The following NDUFV2 variants were observed in gnomAD, a reference collection of about 807,000 sequenced individuals.
The protein encoded by NDUFV2 is NADH:ubiquinone oxidoreductase core subunit V2, also known as NADH dehydrogenase [ubiquinone] flavoprotein 2, mitochondrial.
NDUFV2 carries 18 observed loss-of-function variants against 31.6 expected under a neutral mutation model. The ratio of observed to expected loss-of-function variants is 0.57; its 90% confidence interval spans 0.39 to 0.84. The LOEUF is 0.84. Among genes scored for constraint, NDUFV2 ranks in the 40% least tolerant of loss-of-function variants. The pLI is 0.00. For missense variants in NDUFV2, 314 were observed against 303.6 expected, an observed-to-expected ratio of 1.03 and a Z score of -0.26; for synonymous variants, 83 against 99.8, an observed-to-expected ratio of 0.83 and a Z score of 1.01.
chr18:9,130,948 T>TG (rs1476881631), intron 7 of NDUFV2, among the ~76,000 whole-genome samples: 2 of 152,226 alleles, frequency 1.3e-5, no homozygotes, highest in East Asian at 3.8e-4. Flanking sequence ...AGTTGACTCT[T>TG]GAACACCATG....
intron 7 of NDUFV2, among the ~76,000 whole-genome samples, chr18:9,131,136 AAAG>A (rs1287356353): frequency 7.9e-5 from 12 of 152,226 alleles, no homozygotes; most frequent in African/African-American, 2.7e-4. Context: ...AATCTAGAGA[AAAG>A]AAAATGTTAT....
chr18:9,106,978 C>G (rs966991632), intron 1 of NDUFV2, among the ~76,000 whole-genome samples: 17 of 151,898 alleles, frequency 1.1e-4, no homozygotes, highest in Non-Finnish European at 2.5e-4. Flanking sequence ...GACATTGGGC[C>G]CACCTAGATA....
intron 5 of NDUFV2, among the ~76,000 whole-genome samples, chr18:9,123,676 G>C (rs1373280928): frequency 6.6e-6 from 1 of 152,110 alleles, no homozygotes; most frequent in Non-Finnish European, 1.5e-5. Context: ...TTTTTGTAGA[G>C]AGGGGTCTTG....
chr18:9,119,399 A>G lies in NDUFV2; in HGVS notation c.183+11A>G, dbSNP rs2077917976. On this transcript the variant is annotated intron_variant, in intron 3 of 7. Transcript: ENST00000318388. ...CCAGAAAACTATAAGGTATGGCTAA[A>G]TTAACATTATAATTAATTTACCAAA... The G allele has an allele frequency of 6.2e-7, 1 of 1,607,158 alleles. No individual in the cohort carries two copies. Among genetic ancestry groups the G allele is most frequent in the Non-Finnish European group, 8.5e-7 (1 of 1,173,796 alleles).
intron 1 of NDUFV2, among the ~76,000 whole-genome samples, chr18:9,108,672 CT>C (rs1243607835): frequency 6.8e-6 from 1 of 147,124 alleles, no homozygotes; most frequent in Non-Finnish European, 1.5e-5. Context: ...CACTGAAAAA[CT>C]TTTGTTTTTC....
intron 7 of NDUFV2, among the ~76,000 whole-genome samples, chr18:9,128,136 A>G (rs192697875): frequency 8.5e-4 from 130 of 152,288 alleles, no homozygotes; most frequent in Non-Finnish European, 1.5e-3. Flanking sequence ...TTATGTATAT[A>G]AATTTTTTCT....
intron 7 of NDUFV2, among the ~76,000 whole-genome samples, chr18:9,132,890 A>C (rs1024579702): frequency 6.6e-6 from 1 of 152,152 alleles, no homozygotes; most frequent in African/African-American, 2.4e-5. Flanking sequence ...TAATAAATAA[A>C]TTTAAAAATT....
chr18:9,121,269 G>A (rs957031244), intron 4 of NDUFV2: 1 of 151,892 alleles, frequency 6.6e-6, no homozygotes, highest in Non-Finnish European at 1.5e-5. Context: ...AAAATATCCA[G>A]AAGCTTAATA....
At chr18:9,131,225 A>T (rs2078037735) in intron 7 of NDUFV2, among the ~76,000 whole-genome samples, 1 of 152,226 alleles carries the variant, frequency 6.6e-6, no homozygotes, top group Non-Finnish European at 1.5e-5. Context: ...CATGTTGTAT[A>T]GGCTGAGGAA....
intron 4 of NDUFV2, 127 bp downstream of exon 4, chr18:9,119,717 G>A (rs1258076285): frequency 1.2e-5 from 9 of 780,232 alleles, no homozygotes; most frequent in Non-Finnish European, 1.8e-5. Context: ...TTAGCCATTT[G>A]TATGTTTCCT....
At chr18:9,127,694 G>C (rs145975286) in intron 7 of NDUFV2, among the ~76,000 whole-genome samples, 3 of 152,130 alleles carry the variant, frequency 2.0e-5, no homozygotes, top group Admixed American at 2.0e-4. Context: ...GATGGTCTCC[G>C]ATCTCCTGAC....
chr18:9,130,968 G>A (rs979867113), intron 7 of NDUFV2, among the ~76,000 whole-genome samples: 6 of 152,184 alleles, frequency 3.9e-5, no homozygotes, highest in Non-Finnish European at 1.5e-5. Flanking sequence ...GGGCGTTAGG[G>A]ACATTGATTG....
intron 7 of NDUFV2, chr18:9,132,160 T>C (rs2078045736): frequency 6.6e-6 from 1 of 152,204 alleles, no homozygotes; most frequent in Admixed American, 6.5e-5. Flanking sequence ...GACCAGATTA[T>C]TTTTAAAATT....
chr18:9,120,358 C>T (rs1017749580), intron 4 of NDUFV2, among the ~76,000 whole-genome samples: 2 of 152,158 alleles, frequency 1.3e-5, no homozygotes, highest in African/African-American at 2.4e-5. Flanking sequence ...TCTGAACTTC[C>T]TCATTGGCAA....
rs1035975239 is a variant in NDUFV2, at chr18:9,134,292, T to A, written c.*13T>A. On this transcript the variant is annotated 3_prime_UTR_variant, in exon 8 of 8. Coordinates refer to ENST00000318388, the MANE Select transcript of NDUFV2 (RefSeq NM_021074.5). ...AGCAGGCCTTTAATTTATATTGAAC[T>A]GTAAATATGTCACTAGAGAAATAAA... 8 of 1,555,152 alleles carry A rather than the reference T, an allele frequency of 5.1e-6. No individual in the cohort carries two copies. In the Admixed American group the frequency reaches 8.3e-5, roughly 16 times the overall value.
At chr18:9,130,240 A>G (rs1321889769) in intron 7 of NDUFV2, among the ~76,000 whole-genome samples, 1 of 152,200 alleles carries the variant, frequency 6.6e-6, no homozygotes, top group Admixed American at 6.5e-5. Flanking sequence ...TATTTGTAAT[A>G]TGAGGTACTA....
chr18:9,107,667 C>G (rs2077848648), intron 1 of NDUFV2, among the ~76,000 whole-genome samples: 1 of 152,132 alleles, frequency 6.6e-6, no homozygotes, highest in South Asian at 2.1e-4. Context: ...ATCTACCTTT[C>G]TGAAGTTGCT....
intron 4 of NDUFV2, chr18:9,121,546 A>G (rs892797795): frequency 6.6e-6 from 1 of 152,232 alleles, no homozygotes; most frequent in Non-Finnish European, 1.5e-5. Flanking sequence ...TAGAATTCCT[A>G]ATATGAGAAA....
chr18:9,116,298 A>G (rs1183753387), intron 1 of NDUFV2, among the ~76,000 whole-genome samples: 1 of 152,136 alleles, frequency 6.6e-6, no homozygotes, highest in African/African-American at 2.4e-5. Context: ...TAAACAGAAA[A>G]TGTTAGTGTT....
Sources: gnomAD v4.1 joint callset for allele counts (sites outside exome capture counted in the v4.1 genomes callset) on GRCh38, gnomAD v4.1.1 for gene constraint, MANE v1.5 for transcripts, NCBI Gene and HGNC (gene_info 2026-07-23, HGNC 2026-07-21) for gene names.